Variants in ARMC2 observed in about 807,000 individuals in gnomAD.
ARMC2 encodes the protein armadillo repeat containing 2, also known as armadillo repeat-containing protein 2.
In ARMC2, 67 loss-of-function variants were observed where a neutral mutation model predicts 90.3. That is an observed-to-expected ratio of 0.74 (90% CI 0.61 to 0.91). ARMC2 has a LOEUF of 0.91. Ranked by LOEUF, ARMC2 falls within the 40% of genes least tolerant of loss-of-function variation. The pLI is 0.00. For synonymous variants in ARMC2, 393 were observed against 393.0 expected (o/e 1.00, Z 0.00); for missense variants, 920 against 1,030.9 (o/e 0.89, Z 1.47).
At chr6:108,956,336 C>G (rs534419911) in intron 13 of ARMC2, among the ~76,000 whole-genome samples, 68 of 152,214 alleles carry the variant, frequency 4.5e-4, no homozygotes, top group African/African-American at 1.6e-3. Context: ...AATTACATTT[C>G]TACCTATAAA....
At chr6:108,937,132 G>A in intron 12 of ARMC2, 133 bp downstream of exon 12, 1 of 742,886 alleles carries the variant, frequency 1.3e-6, no homozygotes, top group Non-Finnish European at 2.1e-6. Context: ...ATAATGGGCT[G>A]TCCTGGGAAG....
chr6:109,008,702 C>T, the ARMC2 span: 1 of 847,226 alleles, frequency 1.2e-6, no homozygotes, highest in Non-Finnish European at 1.4e-6. Flanking sequence ...AAATGGTTTC[C>T]TATTTGCAAC....
At chr6:108,862,342 C>CAA (rs71551359) in intron 3 of ARMC2, among the ~76,000 whole-genome samples, 662 of 36,452 alleles carry the variant, frequency 0.018, 59 homozygotes, top group East Asian at 0.098. Flanking sequence ...AGACTCATCT[C>CAA]AAAAAAAAAA....
chr6:109,018,236 A>G, the ARMC2 span, among the ~76,000 whole-genome samples: 1 of 152,244 alleles, frequency 6.6e-6, no homozygotes, highest in Non-Finnish European at 1.5e-5. Flanking sequence ...ACAAATGTAT[A>G]TCAACATTAA....
At chr6:108,998,786 T>G in the ARMC2 span, 1 of 1,585,574 alleles carries the variant, frequency 6.3e-7, no homozygotes, top group Admixed American at 1.8e-5. Flanking sequence ...GAATATATTT[T>G]TGTACTGGGG....
the ARMC2 span, chr6:109,009,432 G>A: frequency 1.6e-3 from 2,257 of 1,377,566 alleles, 8 homozygotes; most frequent in South Asian, 3.4e-3. Flanking sequence ...GGCCGTGTAC[G>A]CCTCGTTCGC....
the ARMC2 span, among the ~76,000 whole-genome samples, chr6:109,025,101 C>A: frequency 5.3e-5 from 8 of 152,036 alleles, no homozygotes; most frequent in Non-Finnish European, 8.8e-5. Flanking sequence ...GGAGGTAGAT[C>A]AGAGACCCCA....
the ARMC2 span, among the ~76,000 whole-genome samples, chr6:109,002,085 T>C: frequency 3.9e-5 from 6 of 152,210 alleles, no homozygotes; most frequent in African/African-American, 1.4e-4. Context: ...AAACACATCA[T>C]GAAATACTAG....
chr6:108,874,830 C>T (rs1776780676), intron 4 of ARMC2, among the ~76,000 whole-genome samples: 1 of 149,284 alleles, frequency 6.7e-6, no homozygotes, highest in Admixed American at 6.6e-5. Context: ...TCAATTTTCT[C>T]ATCTTAAAAA....
the ARMC2 span, chr6:109,002,453 GATGGTTTGTTTTC>G: frequency 3.7e-6 from 3 of 815,962 alleles, no homozygotes; most frequent in Admixed American, 6.1e-5. Flanking sequence ...GGCTTGTTTT[GATGGTTTGTTTTC>G]ATGGCTGTAT....
chr6:109,027,085 G>T, the ARMC2 span, among the ~76,000 whole-genome samples: 1 of 152,208 alleles, frequency 6.6e-6, no homozygotes, highest in Non-Finnish European at 1.5e-5. Context: ...CACGAGAATC[G>T]CTTGAATCTG....
downstream of ARMC2, among the ~76,000 whole-genome samples, chr6:108,975,880 C>A (rs992679502): frequency 3.3e-5 from 5 of 152,012 alleles, no homozygotes; most frequent in Admixed American, 2.6e-4. Flanking sequence ...TGTTTAAGTT[C>A]TTTGTTGATT....
chr6:108,855,383 G>A (rs1774460357), intron 2 of ARMC2, among the ~76,000 whole-genome samples: 1 of 151,784 alleles, frequency 6.6e-6, no homozygotes, highest in South Asian at 2.1e-4. Context: ...CAAGTAGCTG[G>A]GACTACAGGC....
chr6:108,910,461 T>C (rs906610033), intron 8 of ARMC2, among the ~76,000 whole-genome samples: 3 of 151,820 alleles, frequency 2.0e-5, no homozygotes, highest in African/African-American at 4.8e-5. Flanking sequence ...CCTGTCTCTG[T>C]AAAAAAGAAA....
At position 108,854,574 on chromosome 6, in the gene ARMC2, A is replaced by C; in HGVS notation, c.218+89A>C. The C allele has an allele frequency of 5.3e-6, 7 of 1,314,446 alleles. No homozygotes were observed. In the South Asian group the frequency reaches 5.4e-5, roughly 10 times the overall value. 81.4% of individuals were successfully genotyped at this position (1,314,446 alleles called of 1,614,324 possible). ...ATTCTACTTAAGGTTAGCTTTTAAA[A>C]ATAGACTTATTTTTTAGAACAGTTT... On this transcript the variant is annotated intron_variant, in intron 2 of 17. Transcript: ENST00000392644.
rs188600858 is a variant in ARMC2 at position 108,915,937 on chromosome 6, A to C, written c.1350+3379A>C. On this transcript the variant is annotated intron_variant, in intron 10 of 17. Transcript: ENST00000392644. Reference sequence around the variant, plus strand: ...AGAACGTATCCGTGATACATGACAGATTGGAGGGCTAAGATCTCAAACACA... The same window carrying C: ...AGAACGTATCCGTGATACATGACAGCTTGGAGGGCTAAGATCTCAAACACA... Among the ~76,000 whole-genome samples, 4 of 152,154 alleles carry C rather than the reference A, an allele frequency of 2.6e-5. No individual in the cohort carries two copies. In the South Asian group the frequency reaches 8.3e-4, roughly 32 times the overall value.
intron 11 of ARMC2, among the ~76,000 whole-genome samples, chr6:108,930,786 G>A (rs530332443): frequency 6.6e-6 from 1 of 151,496 alleles, no homozygotes; most frequent in East Asian, 1.9e-4. Flanking sequence ...TAGTAGAGAC[G>A]GGGTTTCACT....
chr6:108,872,941 G>A (rs1296870640), intron 4 of ARMC2, among the ~76,000 whole-genome samples: 3 of 152,224 alleles, frequency 2.0e-5, no homozygotes, highest in African/African-American at 7.2e-5. Context: ...GTATTAAAGT[G>A]TTGGTGGAGA....
chr6:108,907,915 C>T (rs1199288701), intron 8 of ARMC2: 2 of 1,545,694 alleles, frequency 1.3e-6, no homozygotes, highest in Non-Finnish European at 1.8e-6. Context: ...TTTTCTTAAG[C>T]CCGCTTATTT....
Sources: gnomAD v4.1 joint callset for allele counts (sites outside exome capture counted in the v4.1 genomes callset) on GRCh38, gnomAD v4.1.1 for gene constraint, MANE v1.5 for transcripts, NCBI Gene and HGNC (gene_info 2026-07-23, HGNC 2026-07-21) for gene names.